Variants in CDH4 observed in about 807,000 individuals in gnomAD.
CDH4 encodes cadherin-4.
In CDH4, 33 loss-of-function variants were observed where a neutral mutation model predicts 86.0. That is an observed-to-expected ratio of 0.38 (90% CI 0.29 to 0.51). The LOEUF is 0.51. Among genes scored for constraint, CDH4 ranks in the 20% least tolerant of loss-of-function variants. The pLI is 0.86. For synonymous variants in CDH4, 555 were observed against 549.4 expected (o/e 1.01, Z -0.14); for missense variants, 1,114 against 1,307.4 (o/e 0.85, Z 2.28).
intron 2 of CDH4, among the ~76,000 whole-genome samples, chr20:61,618,146 T>A (rs535116500): frequency 6.6e-6 from 1 of 152,096 alleles, no homozygotes; most frequent in South Asian, 2.1e-4. Flanking sequence ...GAGAACAGAC[T>A]AATACAGGGC....
chr20:61,695,546 A>C (rs2087706566), intron 2 of CDH4, among the ~76,000 whole-genome samples: 1 of 152,182 alleles, frequency 6.6e-6, no homozygotes, highest in Non-Finnish European at 1.5e-5. Context: ...GGGTCTAGCC[A>C]CAGAGGAATC....
intron 2 of CDH4, among the ~76,000 whole-genome samples, chr20:61,275,178 A>G (rs1343369505): frequency 1.4e-4 from 12 of 84,040 alleles, no homozygotes; most frequent in Admixed American, 3.2e-4. Context: ...TAGTTTGGGG[A>G]AGTACCATGT....
chr20:61,446,948 T>A (rs1481275846), intron 2 of CDH4, among the ~76,000 whole-genome samples: 1 of 152,214 alleles, frequency 6.6e-6, no homozygotes, highest in East Asian at 1.9e-4. Flanking sequence ...TGGTCATTAG[T>A]TTTTTTCTTT....
intron 9 of CDH4, among the ~76,000 whole-genome samples, chr20:61,912,833 A>G (rs2054864685): frequency 6.6e-6 from 1 of 152,122 alleles, no homozygotes; most frequent in Admixed American, 6.5e-5. Context: ...GATGTGGCAA[A>G]CCCTTTCTCC....
intron 2 of CDH4, among the ~76,000 whole-genome samples, chr20:61,325,121 T>C (rs2084529832): frequency 6.6e-6 from 1 of 151,702 alleles, no homozygotes; most frequent in Non-Finnish European, 1.5e-5. Flanking sequence ...ATGGAACACA[T>C]CATGTACATC....
At chr20:61,355,912 G>A (rs1237054785) in intron 2 of CDH4, among the ~76,000 whole-genome samples, 6 of 152,240 alleles carry the variant, frequency 3.9e-5, no homozygotes, top group Non-Finnish European at 8.8e-5. Flanking sequence ...GAGTGTTTAT[G>A]GAATAGGAAG....
intron 2 of CDH4, among the ~76,000 whole-genome samples, chr20:61,297,249 G>A (rs2084360276): frequency 6.6e-6 from 1 of 152,150 alleles, no homozygotes; most frequent in African/African-American, 2.4e-5. Flanking sequence ...GGCCACGCAC[G>A]GTGGCATGTG....
At chr20:61,499,583 G>T in intron 2 of CDH4, 4 of 1,170,264 alleles carry the variant, frequency 3.4e-6, no homozygotes, top group Non-Finnish European at 4.5e-6. Context: ...GTGTCCCTGA[G>T]GTCACACAGG....
chr20:61,688,064 T>G (rs2087608012), intron 2 of CDH4, among the ~76,000 whole-genome samples: 1 of 152,072 alleles, frequency 6.6e-6, no homozygotes, highest in South Asian at 2.1e-4. Flanking sequence ...GCTGGCCCAG[T>G]GGGGTGGACA....
At chr20:61,823,528 C>A (rs1046076006) in intron 4 of CDH4, among the ~76,000 whole-genome samples, 1 of 152,068 alleles carries the variant, frequency 6.6e-6, no homozygotes, top group Non-Finnish European at 1.5e-5. Context: ...CAAGAATTTT[C>A]ATGCAGTAGG....
At chr20:61,733,136 A>G (rs1303842541) in intron 2 of CDH4, among the ~76,000 whole-genome samples, 2 of 152,126 alleles carry the variant, frequency 1.3e-5, no homozygotes, top group Non-Finnish European at 2.9e-5. Flanking sequence ...GTGGGAAAGA[A>G]GAAGGGCAGT....
chr20:61,280,803 G>C (rs533292142), intron 2 of CDH4, among the ~76,000 whole-genome samples: 1 of 152,144 alleles, frequency 6.6e-6, no homozygotes, highest in Non-Finnish European at 1.5e-5. Flanking sequence ...CCTCCCTGGT[G>C]GGGGGTTTCG....
At chr20:61,482,692 T>C (rs2085574654) in intron 2 of CDH4, among the ~76,000 whole-genome samples, 1 of 152,194 alleles carries the variant, frequency 6.6e-6, no homozygotes, top group Non-Finnish European at 1.5e-5. Flanking sequence ...GGAACAGTCA[T>C]GTGACCAGAA....
intron 2 of CDH4, among the ~76,000 whole-genome samples, chr20:61,555,956 T>C (rs1600755184): frequency 6.6e-6 from 1 of 152,160 alleles, no homozygotes; most frequent in African/African-American, 2.4e-5. Context: ...TTAAAAATGG[T>C]ATTAAAGAAA....
intron 2 of CDH4, among the ~76,000 whole-genome samples, chr20:61,305,515 T>C (rs1480221793): frequency 6.6e-6 from 1 of 152,248 alleles, no homozygotes; most frequent in East Asian, 1.9e-4. Context: ...CCTGAGGTCC[T>C]CACGACATTC....
At chr20:61,387,761 A>T in intron 2 of CDH4, among the ~76,000 whole-genome samples, 1 of 151,648 alleles carries the variant, frequency 6.6e-6, no homozygotes. Flanking sequence ...GTTTTTAATC[A>T]CTCCACGGTG....
intron 2 of CDH4, chr20:61,599,926 C>T: frequency 2.0e-6 from 2 of 985,524 alleles, no homozygotes; most frequent in Non-Finnish European, 2.4e-6. Flanking sequence ...GAAGGAGTCC[C>T]AGCCACAGGG....
chr20:61,745,306 C>T (rs2088400597), intron 3 of CDH4, among the ~76,000 whole-genome samples: 1 of 152,192 alleles, frequency 6.6e-6, no homozygotes, highest in South Asian at 2.1e-4. Context: ...AACCCTTCTC[C>T]ATGGAAAGCT....
At chr20:61,583,150 C>A (rs1427428164) in intron 2 of CDH4, among the ~76,000 whole-genome samples, 3 of 66,386 alleles carry the variant, frequency 4.5e-5, no homozygotes, top group Non-Finnish European at 9.0e-5. Flanking sequence ...GAGGGCTCTG[C>A]GGAGGGACAG....
Sources: allele counts gnomAD v4.1 joint callset (sites outside exome capture counted in the v4.1 genomes callset), GRCh38; gene constraint gnomAD v4.1.1; transcripts MANE v1.5; gene names NCBI Gene and HGNC (gene_info 2026-07-23, HGNC 2026-07-21).